TTC6: variants seen among roughly 807,000 people sequenced by gnomAD.
The protein encoded by TTC6 is tetratricopeptide repeat protein 6.
Under a neutral mutation model 210.4 loss-of-function variants are expected in TTC6, and 172 were observed. The ratio of observed to expected loss-of-function variants is 0.82; its 90% CI spans 0.72 to 0.93. The LOEUF (loss-of-function observed/expected upper bound fraction) is 0.93, where lower values mean the gene tolerates loss of function less well. Ranked by LOEUF, TTC6 falls within the 40% of genes least tolerant of loss-of-function variation. The pLI, the probability that TTC6 is intolerant of heterozygous loss-of-function variation, is 0.00. For synonymous variants in TTC6, 804 were observed against 819.6 expected (o/e 0.98, Z 0.32); for missense variants, 2,414 against 2,318.1 (o/e 1.04, Z -0.85).
Position 37,669,447 on chromosome 14 carries a change from T to C in TTC6, c.940-10704T>C, listed in dbSNP as rs930753006. On this transcript the variant is annotated intron_variant, in intron 1 of 30. Coordinates refer to ENST00000553443, the Ensembl canonical transcript of TTC6. ...TCTCTTTGTATCCACTGGACACATT[T>C]AGTTTCTACTTCTTTCTTAAGAACT... 8.5e-5 allele frequency among the ~76,000 whole-genome samples: 13 copies of C among 152,104 alleles called. No individual in the cohort carries two copies. The East Asian group carries it at 2.1e-3, about 25-fold the overall frequency.
chr14:37,836,382 C>G (rs557416494), intron 29 of TTC6, among the ~76,000 whole-genome samples: 2 of 152,234 alleles, frequency 1.3e-5, no homozygotes, highest in African/African-American at 4.8e-5. Context: ...GTGATCAAGG[C>G]AAATAAAATT....
rs112905847 is a variant in TTC6, at chr14:37,715,302, A to G, written c.1713+506A>G. 1.3e-5 allele frequency among the ~76,000 whole-genome samples: 2 copies of G among 152,290 alleles called. 1 individual carries two copies. The highest frequency in any genetic ancestry group is 4.8e-5 in the African/African-American group (2 of 41,568). On this transcript the variant is annotated intron_variant, in intron 6 of 30. Transcript: ENST00000553443. ...TCTAGTATTTGTGTTATCACAAAAG[A>G]TGGGGAGAGACTGAAAAGTATTGAA... is the stretch of plus-strand genomic sequence containing the variant.
At chr14:37,628,876 C>G (rs2095664740) in intron 1 of TTC6, among the ~76,000 whole-genome samples, 1 of 152,074 alleles carries the variant, frequency 6.6e-6, no homozygotes, top group South Asian at 2.1e-4. Flanking sequence ...CCTTTTCCCA[C>G]TGCTTGTTTT....
At chr14:37,734,204 G>A (rs909624850) in intron 7 of TTC6, among the ~76,000 whole-genome samples, 1 of 152,124 alleles carries the variant, frequency 6.6e-6, no homozygotes, top group Non-Finnish European at 1.5e-5. Flanking sequence ...GACTACCCTC[G>A]TGATAGAACC....
intron 3 of TTC6, among the ~76,000 whole-genome samples, chr14:37,684,337 A>G (rs544843688): frequency 1.1e-4 from 16 of 152,286 alleles, no homozygotes; most frequent in African/African-American, 3.1e-4. Context: ...CATGAATAAC[A>G]GGTAATAAGG....
At chr14:37,839,825 T>C (rs1348385628) in intron 29 of TTC6, among the ~76,000 whole-genome samples, 1 of 152,204 alleles carries the variant, frequency 6.6e-6, no homozygotes, top group Non-Finnish European at 1.5e-5. Flanking sequence ...AATTTTTGTA[T>C]AAGGTGGAAG....
intron 2 of TTC6, among the ~76,000 whole-genome samples, chr14:37,681,422 TTAGA>T (rs2095783302): frequency 6.6e-6 from 1 of 152,152 alleles, no homozygotes; most frequent in Non-Finnish European, 1.5e-5. Context: ...GATATTTAGC[TTAGA>T]TATCGTCTTG....
chr14:37,771,728 A>C (rs1400892171), intron 14 of TTC6, among the ~76,000 whole-genome samples: 2 of 152,002 alleles, frequency 1.3e-5, no homozygotes, highest in African/African-American at 4.8e-5. Context: ...AAAGTTTTCA[A>C]CTTCTTTGTC....
At chr14:37,684,038 C>T (rs1203997119) in intron 3 of TTC6, among the ~76,000 whole-genome samples, 2 of 152,052 alleles carry the variant, frequency 1.3e-5, no homozygotes, top group Non-Finnish European at 1.5e-5. Flanking sequence ...TCACTGAGGT[C>T]AACTGGCCAT....
exon 3 of TTC6, chr14:37,682,848 A>T: frequency 6.5e-7 from 1 of 1,535,708 alleles, no homozygotes; most frequent in Non-Finnish European, 8.7e-7. Context: ...AGCAGAAAGC[A>T]TAGTATTTAA....
exon 5 of TTC6, chr14:37,701,385 C>T (rs1444790848): frequency 2.4e-5 from 36 of 1,527,196 alleles, no homozygotes; most frequent in Non-Finnish European, 3.1e-5. Flanking sequence ...ACCACCATCC[C>T]AGCCCAGGAG....
intron 29 of TTC6, among the ~76,000 whole-genome samples, chr14:37,832,017 A>T (rs574113322): frequency 6.6e-6 from 1 of 152,236 alleles, no homozygotes; most frequent in South Asian, 2.1e-4. Context: ...TGCCATATAA[A>T]TCAATGTCTT....
chr14:37,719,508 A>G (rs1324838613), intron 6 of TTC6, among the ~76,000 whole-genome samples: 1 of 152,182 alleles, frequency 6.6e-6, no homozygotes, highest in Admixed American at 6.5e-5. Flanking sequence ...ACAGGCCTGT[A>G]GATCAATGGG....
intron 1 of TTC6, among the ~76,000 whole-genome samples, chr14:37,670,614 G>A (rs2095756475): frequency 6.6e-6 from 1 of 151,694 alleles, no homozygotes. Context: ...GGGATTACAG[G>A]CATCCACCAT....
At chr14:37,805,451 A>G (rs998519693) in intron 21 of TTC6, among the ~76,000 whole-genome samples, 9 of 150,970 alleles carry the variant, frequency 6.0e-5, no homozygotes, top group Admixed American at 2.6e-4. Flanking sequence ...ACACACACAC[A>G]CAAACACACA....
upstream of TTC6, among the ~76,000 whole-genome samples, chr14:37,595,637 C>A (rs1221372639): frequency 6.6e-6 from 1 of 152,094 alleles, no homozygotes; most frequent in Non-Finnish European, 1.5e-5. Flanking sequence ...CCGGAGAAGG[C>A]CGGGGGCGGT....
chr14:37,722,536 T>G (rs2095863942), intron 6 of TTC6, among the ~76,000 whole-genome samples: 11 of 152,066 alleles, frequency 7.2e-5, no homozygotes, highest in Admixed American at 7.2e-4. Context: ...TTTTGTAGGG[T>G]CTTACTATGT....
chr14:37,668,334 A>G (rs1238742320), intron 1 of TTC6, among the ~76,000 whole-genome samples: 2 of 150,500 alleles, frequency 1.3e-5, no homozygotes, highest in Non-Finnish European at 3.0e-5. Flanking sequence ...GTACCAAACA[A>G]TATTACTATA....
intron 1 of TTC6, among the ~76,000 whole-genome samples, chr14:37,676,621 C>T (rs967288704): frequency 1.3e-5 from 2 of 151,968 alleles, no homozygotes; most frequent in Non-Finnish European, 2.9e-5. Flanking sequence ...GTTGTTATAT[C>T]TAAGAAGCTA....
Sources: gnomAD v4.1 joint callset for allele counts (sites outside exome capture counted in the v4.1 genomes callset) on GRCh38, gnomAD v4.1.1 for gene constraint, MANE v1.5 for transcripts, NCBI Gene and HGNC (gene_info 2026-07-23, HGNC 2026-07-21) for gene names.